ZNF521: variants seen among roughly 807,000 people sequenced by gnomAD.
ZNF521 encodes the protein zinc finger protein 521, also known as LYST-interacting protein 3.
A neutral mutation model predicts 105.5 loss-of-function variants in ZNF521; 14 were observed. The ratio of observed to expected loss-of-function variants is 0.13; its 90% confidence interval spans 0.09 to 0.21. The LOEUF (loss-of-function observed/expected upper bound fraction) is 0.21, where lower values mean the gene tolerates loss of function less well. Ranked by LOEUF, ZNF521 falls within the 10% of genes least tolerant of loss-of-function variation. The pLI is 1.00. For synonymous variants in ZNF521, 635 were observed against 606.0 expected (o/e 1.05, Z -0.70); for missense variants, 1,233 against 1,629.7 (o/e 0.76, Z 4.19).
intron 5 of ZNF521, among the ~76,000 whole-genome samples, chr18:25,135,173 T>TAAAAGGACAAGAATGAC (rs2034709575): frequency 6.6e-6 from 1 of 151,732 alleles, no homozygotes; most frequent in Non-Finnish European, 1.5e-5. Flanking sequence ...GAAACATGAA[T>TAAAAGGACAAGAATGAC]AAAAGGACAA....
intron 3 of ZNF521, among the ~76,000 whole-genome samples, chr18:25,243,151 T>C (rs144889593): frequency 6.6e-6 from 1 of 152,326 alleles, no homozygotes; most frequent in East Asian, 1.9e-4. Flanking sequence ...TCCCTTATGG[T>C]TAAGTTTCCA....
chr18:25,184,475 G>A (rs763929108), intron 5 of ZNF521, among the ~76,000 whole-genome samples: 10 of 152,050 alleles, frequency 6.6e-5, no homozygotes, highest in Non-Finnish European at 1.3e-4. Flanking sequence ...ATGTCTTGTG[G>A]TGACTTACTA....
chr18:25,233,264 T>C (rs961217497), intron 3 of ZNF521, among the ~76,000 whole-genome samples: 1 of 152,188 alleles, frequency 6.6e-6, no homozygotes, highest in Non-Finnish European at 1.5e-5. Flanking sequence ...ATTACACAAT[T>C]GCTTCCCTTC....
rs370039822 is a variant in ZNF521, at chr18:25,092,004, C to T, written c.3736G>A (p.Glu1246Lys). ...CCTCCCATCCCTTCGAAGCTGTGCTCTATCAGGTGGCACTGGAGTTTGGCA... is the reference window on the plus strand; with the variant it reads ...CCTCCCATCCCTTCGAAGCTGTGCTTTATCAGGTGGCACTGGAGTTTGGCA... ...SPAKLQCHLIEHSFEGMGGTF... is the reference protein window; with the variant it reads ...SPAKLQCHLIKHSFEGMGGTF... Residue 1246 changes from glutamate (E) to lysine (K), a missense_variant, in exon 6 of 8, where the codon GAG (glutamate) becomes AAG (lysine). By Grantham distance (56) the Glu-to-Lys change is moderately conservative. Transcript: ENST00000361524. 3.1e-6 allele frequency: 5 copies of T among 1,614,018 alleles called. No homozygotes were observed. Among genetic ancestry groups the T allele is most frequent in the South Asian group, 1.1e-5 (1 of 91,078 alleles).
intron 2 of ZNF521, among the ~76,000 whole-genome samples, chr18:25,347,395 T>A (rs897690552): frequency 6.6e-6 from 1 of 152,208 alleles, no homozygotes; most frequent in Non-Finnish European, 1.5e-5. Context: ...GCTGATAGAA[T>A]TTTGATGCTA....
chr18:25,237,360 C>T (rs757406592), intron 3 of ZNF521, among the ~76,000 whole-genome samples: 6 of 152,074 alleles, frequency 3.9e-5, no homozygotes, highest in Non-Finnish European at 7.4e-5. Context: ...TGAAATATGT[C>T]TCTAAGGGAA....
intron 7 of ZNF521, among the ~76,000 whole-genome samples, chr18:25,086,537 T>C (rs72881237): frequency 2.0e-5 from 3 of 152,236 alleles, no homozygotes; most frequent in Non-Finnish European, 1.5e-5. Context: ...TAGACCCACA[T>C]AGAGATTCCA....
intron 7 of ZNF521, among the ~76,000 whole-genome samples, chr18:25,072,092 C>G (rs906289943): frequency 3.3e-5 from 5 of 152,144 alleles, no homozygotes; most frequent in African/African-American, 1.2e-4. Context: ...CAAAAACGGC[C>G]TATTTTCACC....
chr18:25,326,378 A>G (rs898994599), intron 2 of ZNF521, among the ~76,000 whole-genome samples: 1 of 152,220 alleles, frequency 6.6e-6, no homozygotes, highest in Non-Finnish European at 1.5e-5. Flanking sequence ...AGAAAGAAAA[A>G]CTAAGAGATC....
At chr18:25,062,786 GAGA>G (rs746815089) in intron 7 of ZNF521, 45 bp from the exon 8 acceptor site, 4 of 944,602 alleles carry the variant, frequency 4.2e-6, no homozygotes, top group South Asian at 1.9e-5. Context: ...AAAAAAAAAA[GAGA>G]AGAGAGGGAA....
intron 5 of ZNF521, among the ~76,000 whole-genome samples, chr18:25,104,653 T>G (rs113814588): frequency 1.3e-5 from 2 of 152,176 alleles, no homozygotes; most frequent in Non-Finnish European, 2.9e-5. Context: ...AATTTGACAA[T>G]CTGGAGAAAA....
At chr18:25,257,991 C>T (rs1365918866) in intron 3 of ZNF521, among the ~76,000 whole-genome samples, 3 of 152,100 alleles carry the variant, frequency 2.0e-5, no homozygotes, top group Admixed American at 2.0e-4. Flanking sequence ...ACACACTTCA[C>T]ATTTAAAAAA....
At position 25,101,773 on chromosome 18, in the gene ZNF521, G is replaced by A. The variant is rs115530266; in HGVS notation, c.3659-9692C>T. On this transcript the variant is annotated intron_variant, in intron 5 of 7. Coordinates refer to ENST00000361524, the MANE Select transcript of ZNF521 (RefSeq NM_015461.3). Reference sequence around the variant, plus strand: ...GAAAACACTTACAGATTTGACCCATGTTCAAAATTTTACTGGATGTGAACT... The same window carrying A: ...GAAAACACTTACAGATTTGACCCATATTCAAAATTTTACTGGATGTGAACT... Among the ~76,000 whole-genome samples, 471 of 152,246 alleles carry A rather than the reference G, an allele frequency of 3.1e-3. 1 individual carries two copies. The highest frequency in any genetic ancestry group is 0.01 in the African/African-American group (424 of 41,552).
chr18:25,130,625 T>G (rs1307506000), intron 5 of ZNF521, among the ~76,000 whole-genome samples: 1 of 152,196 alleles, frequency 6.6e-6, no homozygotes, highest in Non-Finnish European at 1.5e-5. Flanking sequence ...AAACTAAAAC[T>G]GCTTTAAGAA....
At chr18:25,350,806 C>T in intron 2 of ZNF521, 101 bp downstream of exon 2, 1 of 1,366,630 alleles carries the variant, frequency 7.3e-7, no homozygotes. Flanking sequence ...CACACTCACA[C>T]TCACGCGCGC....
intron 2 of ZNF521, among the ~76,000 whole-genome samples, chr18:25,343,144 G>A (rs950923966): frequency 6.6e-6 from 1 of 152,130 alleles, no homozygotes; most frequent in Middle Eastern, 3.2e-3. Context: ...TCCCTATCAG[G>A]TAAATAAGTT....
intron 3 of ZNF521, among the ~76,000 whole-genome samples, chr18:25,274,360 T>G (rs1435449042): frequency 6.6e-6 from 1 of 152,204 alleles, no homozygotes; most frequent in Non-Finnish European, 1.5e-5. Context: ...TCTTCTAACT[T>G]CTGGATCTGA....
intron 3 of ZNF521, among the ~76,000 whole-genome samples, chr18:25,252,072 T>C (rs1908159107): frequency 6.6e-6 from 1 of 152,158 alleles, no homozygotes; most frequent in African/African-American, 2.4e-5. Context: ...TAATAAGGTG[T>C]AAAAGCACAT....
intron 3 of ZNF521, among the ~76,000 whole-genome samples, chr18:25,267,867 C>T (rs894356180): frequency 2.0e-5 from 3 of 152,130 alleles, no homozygotes; most frequent in African/African-American, 7.2e-5. Flanking sequence ...ACCAGAACAC[C>T]TCTTCTCCTA....
Sources: gnomAD v4.1 joint callset for allele counts (sites outside exome capture counted in the v4.1 genomes callset) on GRCh38, gnomAD v4.1.1 for gene constraint, MANE v1.5 for transcripts, NCBI Gene and HGNC (gene_info 2026-07-23, HGNC 2026-07-21) for gene names.